The following NUGGC variants were observed in gnomAD, a reference collection of about 807,000 sequenced individuals.
NUGGC encodes the protein nuclear GTPase SLIP-GC.
NUGGC carries 58 observed loss-of-function variants against 92.6 expected under a neutral mutation model. The observed-to-expected ratio is 0.63, with a 90% CI of 0.51 to 0.78. NUGGC has a LOEUF of 0.78. NUGGC is among the 30% of genes least tolerant of loss of function. The pLI is 0.00. For missense variants in NUGGC, 925 were observed against 964.6 expected (o/e 0.96, Z 0.54); for synonymous variants, 376 against 366.4 (o/e 1.03, Z -0.30).
intron 10 of NUGGC, among the ~76,000 whole-genome samples, chr8:28,054,527 AT>A (rs1480216351): frequency 3.3e-5 from 5 of 152,074 alleles, no homozygotes; most frequent in African/African-American, 9.7e-5. Context: ...AATAAGTTGT[AT>A]GTTTGTACCT....
intron 13 of NUGGC, among the ~76,000 whole-genome samples, chr8:28,040,332 T>C (rs1224524146): frequency 6.6e-6 from 1 of 152,196 alleles, no homozygotes; most frequent in Non-Finnish European, 1.5e-5. Context: ...ACAAGATGTT[T>C]CCTCATTGTG....
rs759992384 is a variant in NUGGC, at chr8:28,047,602, G to T, written c.1217C>A (p.Pro406Gln). 14 of 1,555,162 alleles carry T rather than the reference G, an allele frequency of 9.0e-6. No homozygotes were observed. Among genetic ancestry groups the T allele is most frequent in the Non-Finnish European group, 1.7e-6 (2 of 1,147,886 alleles). The stretch of plus-strand genomic sequence containing the variant: ...GGCTTCCAGAACCTTGAAGTCAGCT[G>T]GCAGTTTTCTCTGAAGTGAGAGAGT... Reference protein sequence around the residue: ...ILKEKLKRKLPADFKVLEASD... With the variant: ...ILKEKLKRKLQADFKVLEASD... The change falls in exon 11 of 19, where the codon CCA becomes CAA. Residue 406 changes from proline (P) to glutamine (Q), a missense_variant. Pro to Gln is a moderately conservative substitution (Grantham distance 76, BLOSUM62 -1). Transcript: ENST00000413272.
rs1809144005 is a variant in NUGGC, at chr8:28,022,536, T to C, written c.*781A>G. Reference sequence around the variant, plus strand: ...TCCATTAGGTATTGAAGATGACTCTTTGGGGCTATAAAATAAAATGCAGTA... The same window carrying C: ...TCCATTAGGTATTGAAGATGACTCTCTGGGGCTATAAAATAAAATGCAGTA... On this transcript the variant is annotated 3_prime_UTR_variant, in exon 19 of 19. Coordinates refer to ENST00000413272, the MANE Select transcript of NUGGC (RefSeq NM_001010906.2). 6.6e-6 allele frequency: 1 copy of C among 152,200 alleles called. No individual in the cohort carries two copies. The highest frequency in any genetic ancestry group is 2.4e-5 in the African/African-American group (1 of 41,446). The allele number at this position is 152,200 out of a possible 1,614,324, so 9.4% of individuals were successfully genotyped here. A position where few individuals can be genotyped will look rare whatever the true frequency, so the allele number is the denominator to read the frequency against.
At chr8:28,025,666 C>T (rs1343993366) in intron 18 of NUGGC, among the ~76,000 whole-genome samples, 1 of 152,110 alleles carries the variant, frequency 6.6e-6, no homozygotes, top group Non-Finnish European at 1.5e-5. Flanking sequence ...GTCCATCTAA[C>T]CAGCCATAAA....
chr8:28,033,803 G>A (rs1809484930), intron 13 of NUGGC, 106 bp from the exon 14 acceptor site: 4 of 962,076 alleles, frequency 4.2e-6, no homozygotes, highest in Admixed American at 4.6e-5. Flanking sequence ...TCACAGGAAA[G>A]TGTAGAGACA....
chr8:28,034,743 G>A (rs1334290463), intron 13 of NUGGC, among the ~76,000 whole-genome samples: 2 of 152,054 alleles, frequency 1.3e-5, no homozygotes, highest in East Asian at 1.9e-4. Flanking sequence ...CTTGAACCTG[G>A]GAGGCAGAGG....
At chr8:28,027,075 C>A in intron 17 of NUGGC, 23 bp from the exon 18 acceptor site, 1 of 1,564,234 alleles carries the variant, frequency 6.4e-7, no homozygotes, top group East Asian at 2.2e-5. Context: ...GACATTCAGT[C>A]TGTTAGGATG....
At chr8:28,069,491 G>A (rs749178352) in intron 4 of NUGGC, 53 bp downstream of exon 4, 27 of 868,706 alleles carry the variant, frequency 3.1e-5, no homozygotes, top group Admixed American at 5.7e-5. Flanking sequence ...ACCTATAATC[G>A]CCTAAGGAAA....
At chr8:28,026,191 A>G (rs1168312196) in intron 18 of NUGGC, among the ~76,000 whole-genome samples, 1 of 152,170 alleles carries the variant, frequency 6.6e-6, no homozygotes, top group African/African-American at 2.4e-5. Flanking sequence ...ACTTACAGAT[A>G]TTTGAGTTGT....
chr8:28,062,064 A>G (rs1364970573), intron 7 of NUGGC, among the ~76,000 whole-genome samples: 1 of 152,188 alleles, frequency 6.6e-6, no homozygotes, highest in African/African-American at 2.4e-5. Context: ...CAGAACCACC[A>G]TCGGCTCAAT....
intron 2 of NUGGC, among the ~76,000 whole-genome samples, chr8:28,071,373 A>G (rs986161466): frequency 2.0e-5 from 3 of 152,184 alleles, no homozygotes; most frequent in Admixed American, 2.0e-4. Flanking sequence ...ACCAGAAAAA[A>G]TCACATCTTC....
intron 4 of NUGGC, among the ~76,000 whole-genome samples, chr8:28,069,177 G>A (rs146550906): frequency 1.3e-5 from 2 of 152,128 alleles, no homozygotes. Flanking sequence ...AATAATTGGG[G>A]ACATGAGCTC....
intron 15 of NUGGC, among the ~76,000 whole-genome samples, chr8:28,030,676 C>T (rs1318388176): frequency 6.6e-6 from 1 of 152,162 alleles, no homozygotes; most frequent in Non-Finnish European, 1.5e-5. Context: ...TGAACTCAGG[C>T]ACAGGCAACG....
Position 28,031,238 on chromosome 8 carries a change from C to A in NUGGC, c.1908+5G>T. The stretch of plus-strand genomic sequence containing the variant: ...ACTGCTCTCCTCACTTTATAAGGAA[C>A]GTACCTCCTGGATCAGGAAATTTTT... On this transcript the variant is annotated splice_donor_5th_base_variant and intron_variant, in intron 15 of 18. Transcript: ENST00000413272. 1.2e-6 allele frequency: 2 copies of A among 1,613,970 alleles called. No homozygotes were observed. Among genetic ancestry groups the A allele is most frequent in the Non-Finnish European group, 8.5e-7 (1 of 1,179,830 alleles).
At chr8:28,041,736 C>CGA (rs1563218443) in intron 12 of NUGGC, among the ~76,000 whole-genome samples, 3 of 152,160 alleles carry the variant, frequency 2.0e-5, no homozygotes, top group Admixed American at 6.5e-5. Context: ...GCTGGTCTTC[C>CGA]GAGCTATGGA....
chr8:28,036,105 C>A (rs2130101515), intron 13 of NUGGC, among the ~76,000 whole-genome samples: 1 of 152,164 alleles, frequency 6.6e-6, no homozygotes, highest in East Asian at 1.9e-4. Flanking sequence ...AACTCCTGGC[C>A]TCAAGCAATC....
At position 28,047,632 on chromosome 8, in the gene NUGGC, C is replaced by T. The variant is rs756246339; in HGVS notation, c.1207-20G>A. On this transcript the variant is annotated intron_variant, in intron 10 of 18. Transcript: ENST00000413272. ...TTTTCTCTGAAGTGAGAGAGTCACA[C>T]AGAAAACAGAATAACTCAAACCATA... 7 of 1,434,778 alleles carry T rather than the reference C, an allele frequency of 4.9e-6. No individual in the cohort carries two copies. Among genetic ancestry groups the T allele is most frequent in the East Asian group, 4.9e-5 (2 of 40,470 alleles). 88.9% of individuals were successfully genotyped at this position (1,434,778 alleles called of 1,614,324 possible). A position where few individuals can be genotyped will look rare whatever the true frequency, so the allele number is the denominator to read the frequency against.
intron 4 of NUGGC, 98 bp downstream of exon 4, chr8:28,069,446 T>G: frequency 1.5e-6 from 1 of 652,364 alleles, no homozygotes; most frequent in Non-Finnish European, 2.7e-6. Flanking sequence ...TCTTAGTTTC[T>G]AATTAAATAG....
At chr8:28,058,394 C>T in intron 8 of NUGGC, 118 bp from the exon 9 acceptor site, 1 of 203,588 alleles carries the variant, frequency 4.9e-6, no homozygotes, top group Non-Finnish European at 1.1e-5. Context: ...TTCATAAGTT[C>T]TTTCTTTGAC....
Sources: allele counts gnomAD v4.1 joint callset (sites outside exome capture counted in the v4.1 genomes callset), GRCh38; gene constraint gnomAD v4.1.1; transcripts MANE v1.5; gene names NCBI Gene and HGNC (gene_info 2026-07-23, HGNC 2026-07-21).